KCNN2: variants seen among roughly 807,000 people sequenced by gnomAD.
KCNN2 encodes the protein small conductance calcium-activated potassium channel protein 2.
In KCNN2, 24 loss-of-function variants were observed where a neutral mutation model predicts 55.5. The observed-to-expected ratio is 0.43, with a 90% confidence interval of 0.31 to 0.61. KCNN2 has a LOEUF of 0.61. Among genes scored for constraint, KCNN2 ranks in the 20% least tolerant of loss-of-function variants. KCNN2 has a pLI of 0.08. For missense variants in KCNN2, 754 were observed against 853.6 expected, an observed-to-expected ratio of 0.88 and a Z score of 1.45; for synonymous variants, 431 against 336.1, an observed-to-expected ratio of 1.28 and a Z score of -3.09.
At chr5:114,393,801 A>G (rs1190374992) in intron 2 of KCNN2, among the ~76,000 whole-genome samples, 2 of 151,926 alleles carry the variant, frequency 1.3e-5, no homozygotes, top group Non-Finnish European at 2.9e-5. Flanking sequence ...AACCCTCAGT[A>G]CTTACTTGAT....
At chr5:114,351,032 G>C (rs944551693) in intron 2 of KCNN2, among the ~76,000 whole-genome samples, 2 of 151,538 alleles carry the variant, frequency 1.3e-5, no homozygotes, top group Non-Finnish European at 3.0e-5. Context: ...TGTATCTGTG[G>C]GTCAGTTTAG....
Position 114,363,015 on chromosome 5 carries a change from G to A in KCNN2, c.876G>A (p.Ala292=), listed in dbSNP as rs753169190. Residue 292 remains alanine (A), a synonymous_variant, in exon 1 of 8, where the codon GCG becomes GCA. Coordinates refer to ENST00000673685, the MANE Select transcript of KCNN2 (RefSeq NM_021614.4). The stretch of plus-strand genomic sequence containing the variant: ...AGCACAACAACTCCAACAACCTGGC[G>A]CTCTATGGAACCGGCGGCGGAGGCA... ...KPEHNNSNNL[A]LYGTGGGGST... is the part of the protein sequence containing the mutation. 1.3e-6 allele frequency: 2 copies of A among 1,599,998 alleles called. No individual in the cohort carries two copies. The highest frequency in any genetic ancestry group is 1.7e-6 in the Non-Finnish European group (2 of 1,176,264).
Position 114,362,747 on chromosome 5 carries a change from G to C in KCNN2, c.608G>C (p.Arg203Pro). The C allele has an allele frequency of 6.5e-7, 1 of 1,544,314 alleles. No individual in the cohort carries two copies. Among genetic ancestry groups the C allele is most frequent in the Non-Finnish European group, 8.7e-7 (1 of 1,152,350 alleles). The change falls in exon 1 of 8, where the codon CGC (arginine) becomes CCC (proline). Residue 203 changes from arginine (R) to proline (P), a missense_variant. Around this residue, in one of 4 missense-constraint regions of KCNN2, gnomAD observed 381 missense variants for 259.1 expected, o/e 1.47. Coordinates refer to ENST00000673685, the MANE Select transcript of KCNN2 (RefSeq NM_021614.4). ...HHQHHQPQAR[R>P]ESNPFTEIAM... ...CAGCACCACCAGCCCCAGGCGCGCC[G>C]CGAGAGCAACCCCTTCACCGAAATA...
intron 3 of KCNN2, among the ~76,000 whole-genome samples, chr5:114,421,935 ATC>A (rs1305611406): frequency 6.6e-6 from 1 of 152,150 alleles, no homozygotes; most frequent in African/African-American, 2.4e-5. Flanking sequence ...AAAAGAATGT[ATC>A]TGTAATTTGG....
At chr5:114,157,106 T>C (rs1752652173) in intron 1 of KCNN2, among the ~76,000 whole-genome samples, 1 of 151,894 alleles carries the variant, frequency 6.6e-6, no homozygotes, top group Non-Finnish European at 1.5e-5. Context: ...CTGCACCCAT[T>C]GACTTGTCAT....
At chr5:114,171,737 C>T (rs1034565837) in intron 1 of KCNN2, among the ~76,000 whole-genome samples, 1 of 150,408 alleles carries the variant, frequency 6.6e-6, no homozygotes, top group African/African-American at 2.4e-5. Flanking sequence ...TGATGCCTAA[C>T]CCTAATTTTG....
intron 1 of KCNN2, among the ~76,000 whole-genome samples, chr5:114,163,429 A>G (rs756286932): frequency 3.9e-5 from 6 of 152,280 alleles, no homozygotes; most frequent in Non-Finnish European, 8.8e-5. Context: ...TGGGTTAGTT[A>G]TATATGGCTG....
At chr5:114,459,891 G>A (rs1420797992) in intron 3 of KCNN2, among the ~76,000 whole-genome samples, 1 of 152,176 alleles carries the variant, frequency 6.6e-6, no homozygotes, top group South Asian at 2.1e-4. Context: ...TTTCCTGAGA[G>A]TATTTGGCAA....
At chr5:114,276,935 C>T (rs921207767) in intron 2 of KCNN2, among the ~76,000 whole-genome samples, 9 of 152,002 alleles carry the variant, frequency 5.9e-5, no homozygotes, top group South Asian at 2.1e-4. Flanking sequence ...TTCATAGTGT[C>T]GATGGTCTTT....
rs2632140 is a variant in KCNN2 at position 114,110,278 on chromosome 5, A to C, written c.-271+53778A>C. On this transcript the variant is annotated intron_variant, in intron 1 of 10. Coordinates refer to the KCNN2 transcript ENST00000512097. The stretch of plus-strand genomic sequence containing the variant: ...AATAGCAATATAAAGAAATGGGTCT[A>C]AGACATAACCATGGTGTGTAAATTA... Among the ~76,000 whole-genome samples the C allele has an allele frequency of 3.7e-3, 564 of 151,724 alleles. 4 individuals carry two copies. Among genetic ancestry groups the C allele is most frequent in the African/African-American group, 0.012 (503 of 41,064 alleles).
chr5:114,182,107 G>A (rs1753251992), intron 1 of KCNN2, among the ~76,000 whole-genome samples: 1 of 152,096 alleles, frequency 6.6e-6, no homozygotes, highest in Non-Finnish European at 1.5e-5. Context: ...ACTCTTTACT[G>A]AAAACTCTTT....
At chr5:114,455,987 G>T (rs1473883326) in intron 3 of KCNN2, among the ~76,000 whole-genome samples, 1 of 152,222 alleles carries the variant, frequency 6.6e-6, no homozygotes. Flanking sequence ...GCAAGGTGAA[G>T]CAGGAAGTGC....
intron 1 of KCNN2, among the ~76,000 whole-genome samples, chr5:114,099,051 T>C (rs1751321074): frequency 6.6e-6 from 1 of 152,164 alleles, no homozygotes; most frequent in Non-Finnish European, 1.5e-5. Context: ...TTTTACCACA[T>C]ATTAGGCTTT....
At chr5:114,223,695 T>C (rs1354913900) in intron 2 of KCNN2, among the ~76,000 whole-genome samples, 3 of 152,124 alleles carry the variant, frequency 2.0e-5, no homozygotes, top group African/African-American at 4.8e-5. Context: ...AGAGCATCTA[T>C]AAGGCTGGGG....
intron 2 of KCNN2, among the ~76,000 whole-genome samples, chr5:114,251,923 G>T (rs2112627338): frequency 6.9e-6 from 1 of 145,220 alleles, no homozygotes. Context: ...CTGTCGCCCA[G>T]GCTGAAGTGT....
rs950576750 is a variant in KCNN2 at position 114,302,742 on chromosome 5, T to G, written c.-184-58203T>G. On this transcript the variant is annotated intron_variant, in intron 2 of 10. Transcript: ENST00000512097. The stretch of plus-strand genomic sequence containing the variant: ...TTGGTGCCTTCTGGCATGAGATCAT[T>G]GCAAACAGTTTACAACCAGGCCTGG... Among the ~76,000 whole-genome samples, 18 of 152,112 alleles carry G rather than the reference T, an allele frequency of 1.2e-4. 1 individual carries two copies. The highest frequency in any genetic ancestry group is 4.3e-4 in the African/African-American group (18 of 41,426).
At chr5:114,084,815 T>G (rs1750979009) in intron 1 of KCNN2, among the ~76,000 whole-genome samples, 1 of 151,978 alleles carries the variant, frequency 6.6e-6, no homozygotes, top group Admixed American at 6.6e-5. Flanking sequence ...ACTAGGTCTA[T>G]GATTCAATTT....
At chr5:114,269,654 G>C (rs1755283285) in intron 2 of KCNN2, among the ~76,000 whole-genome samples, 1 of 152,090 alleles carries the variant, frequency 6.6e-6, no homozygotes, top group South Asian at 2.1e-4. Flanking sequence ...AGGAGCCCCA[G>C]GTTCATCTAT....
chr5:114,176,578 A>G (rs191816236), intron 1 of KCNN2, among the ~76,000 whole-genome samples: 9 of 152,294 alleles, frequency 5.9e-5, no homozygotes, highest in African/African-American at 2.2e-4. Flanking sequence ...ATGATGCATT[A>G]ATAAGGAATG....
Sources: allele counts gnomAD v4.1 joint callset (sites outside exome capture counted in the v4.1 genomes callset), GRCh38; gene constraint gnomAD v4.1.1; regional missense constraint gnomAD v4.1.1; transcripts MANE v1.5; gene names NCBI Gene and HGNC (gene_info 2026-07-23, HGNC 2026-07-21).